MZT2B: variants seen among roughly 807,000 people sequenced by gnomAD.
The protein encoded by MZT2B is mitotic spindle organizing protein 2B.
Under a neutral mutation model 12.1 loss-of-function variants are expected in MZT2B, and 11 were observed. That is an observed-to-expected ratio of 0.91 (90% CI 0.57 to 1.50). The LOEUF (loss-of-function observed/expected upper bound fraction) is 1.50. MZT2B is among the 40% of genes most tolerant of loss of function. The probability of loss-of-function intolerance (pLI) is 0.00; values close to 1 mark genes in which losing one functional copy is unlikely to be tolerated. For missense variants in MZT2B, 209 were observed against 227.7 expected, an observed-to-expected ratio of 0.92 and a Z score of 0.53; for synonymous variants, 85 against 109.5, an observed-to-expected ratio of 0.78 and a Z score of 1.40.
chr2:130,202,572 CA>C, the MZT2B span: 1 of 824,090 alleles, frequency 1.2e-6, no homozygotes, highest in Non-Finnish European at 1.6e-6. Flanking sequence ...AGCAGGACAA[CA>C]GGGCCAAGCC....
Position 130,182,776 on chromosome 2 carries a change from G to A in MZT2B, c.319+1G>A. ...ACGTCGAGCGTGCCCGAGACCCGAG[G>A]TCAGAGCTGGGCCCGCTGTCCCTGC... On this transcript the variant is annotated splice_donor_variant, in intron 2 of 2. Transcript: ENST00000281871. LOFTEE classifies it high-confidence loss of function. 3 of 1,488,708 alleles carry A rather than the reference G, an allele frequency of 2.0e-6. No individual in the cohort carries two copies. The highest frequency in any genetic ancestry group is 1.3e-5 in the South Asian group (1 of 75,700). 92.2% of individuals were successfully genotyped at this position (1,488,708 alleles called of 1,614,324 possible).
At chr2:130,197,048 TAC>T in the MZT2B span, among the ~76,000 whole-genome samples, 1 of 141,830 alleles carries the variant, frequency 7.1e-6, no homozygotes, top group Non-Finnish European at 1.5e-5. Flanking sequence ...CTCTCAAGGC[TAC>T]ACTTTTGGCA....
chr2:130,194,600 A>G, downstream of MZT2B: 1 of 1,200,296 alleles, frequency 8.3e-7, no homozygotes, highest in Non-Finnish European at 1.1e-6. Flanking sequence ...CATGCAATAC[A>G]CTTTGAAGCA....
At chr2:130,184,129 T>G in intron 2 of MZT2B, 1 of 1,510,136 alleles carries the variant, frequency 6.6e-7, no homozygotes, top group Non-Finnish European at 8.8e-7. Flanking sequence ...TGACTCGGTT[T>G]ATTAGAGACA....
Position 130,182,664 on chromosome 2 carries a change from C to G in MZT2B, c.208C>G (p.Leu70Val), listed in dbSNP as rs1332520198. The G allele has an allele frequency of 5.1e-6, 8 of 1,553,518 alleles. No homozygotes were observed. The highest frequency in any genetic ancestry group is 4.6e-4 in the Middle Eastern group (2 of 4,378). ...CCTGCTGAAGCTGAACGTGGCCCCC[C>G]TCGCCGTCTTCCAGATGCTCAAGTC... The part of the protein sequence containing the change: ...VDLLKLNVAP[L>V]AVFQMLKSMC... The change falls in exon 2 of 3, where the codon CTC (leucine) becomes GTC (valine). Residue 70 changes from leucine (L) to valine (V), a missense_variant. Physicochemically the swap from Leu to Val is conservative, Grantham distance 32. Transcript: ENST00000281871.
the MZT2B span, among the ~76,000 whole-genome samples, chr2:130,202,721 G>A: frequency 7.9e-5 from 12 of 152,212 alleles, no homozygotes; most frequent in Non-Finnish European, 1.5e-5. Context: ...GCCATCTCCA[G>A]TTCAACCCCG....
intron 2 of MZT2B, chr2:130,183,930 C>T (rs1385468049): frequency 5.2e-6 from 8 of 1,550,462 alleles, no homozygotes; most frequent in Admixed American, 2.0e-5. Flanking sequence ...CCCGGGTTCC[C>T]TCCGCCTCTC....
rs2104953982 is a variant in MZT2B at position 130,182,467 on chromosome 2, TG to T, written c.170+20del. ...GACGTGTTCAAGTGAGCGGGGCGGG[TG>T]GGGGCCGCATGCTAGCCAGACACCC... On this transcript the variant is annotated intron_variant, in intron 1 of 2. Transcript: ENST00000281871. 1 of 1,542,546 alleles carries T rather than the reference TG, an allele frequency of 6.5e-7. No homozygotes were observed.
chr2:130,188,275 T>G (rs924142205), intron 2 of MZT2B: 3 of 165,486 alleles, frequency 1.8e-5, no homozygotes, highest in African/African-American at 7.2e-5. Context: ...GCACCCAGAT[T>G]AGGCTGCGGC....
At chr2:130,188,887 C>G (rs1302673590) in intron 2 of MZT2B, among the ~76,000 whole-genome samples, 1 of 152,010 alleles carries the variant, frequency 6.6e-6, no homozygotes, top group African/African-American at 2.4e-5. Flanking sequence ...TAATGGATCT[C>G]TAGACACCCG....
intron 2 of MZT2B, among the ~76,000 whole-genome samples, chr2:130,187,767 C>G (rs1690115385): frequency 1.3e-5 from 2 of 152,168 alleles, no homozygotes; most frequent in Non-Finnish European, 2.9e-5. Context: ...ACAGGGCTCC[C>G]CACTAACCCT....
chr2:130,181,698 C>T (rs1689660284), upstream of MZT2B: 2 of 1,548,200 alleles, frequency 1.3e-6, no homozygotes, highest in Admixed American at 2.0e-5. Flanking sequence ...AAAGCGAAGG[C>T]CGGCCGGGCG....
the MZT2B span, chr2:130,202,214 C>A: frequency 1.0e-6 from 1 of 968,026 alleles, no homozygotes; most frequent in Non-Finnish European, 1.4e-6. Flanking sequence ...CTAAAAAAAA[C>A]AGTCCTGTGA....
the MZT2B span, among the ~76,000 whole-genome samples, chr2:130,201,980 G>A: frequency 2.0e-4 from 30 of 152,222 alleles, no homozygotes; most frequent in South Asian, 1.0e-3. Context: ...TATATGCTAC[G>A]TGACTGCAAT....
At chr2:130,196,277 T>C in the MZT2B span, 2 of 1,613,932 alleles carry the variant, frequency 1.2e-6, no homozygotes, top group Non-Finnish European at 1.7e-6. Flanking sequence ...CATTTGACCA[T>C]CGGGCTGAAT....
chr2:130,187,137 G>A (rs149605425), intron 2 of MZT2B, among the ~76,000 whole-genome samples: 6 of 130,034 alleles, frequency 4.6e-5, no homozygotes, highest in Non-Finnish European at 8.4e-5. Flanking sequence ...GAAATAATAC[G>A]TTGGATATTT....
At chr2:130,184,540 C>T in intron 2 of MZT2B, 1 of 985,300 alleles carries the variant, frequency 1.0e-6, no homozygotes, top group Non-Finnish European at 1.2e-6. Context: ...CCTGTGAGAG[C>T]CCAGGGGTCT....
rs537171226 is a variant in MZT2B at position 130,185,559 on chromosome 2, CAG to C, written c.319+2785_319+2786del. On this transcript the variant is annotated intron_variant, in intron 2 of 2. Coordinates refer to ENST00000281871, the MANE Select transcript of MZT2B (RefSeq NM_025029.5). ...AGCCCAGAGAGCAGCAAGGGTTACA[CAG>C]GGGGGTAACAAGGGTTACAGCAGGA... Among the ~76,000 whole-genome samples the C allele has an allele frequency of 1.4e-3, 165 of 114,392 alleles. 27 individuals are homozygous for C. Among genetic ancestry groups the C allele is most frequent in the African/African-American group, 4.0e-3 (125 of 31,184 alleles). 75.0% of individuals were successfully genotyped at this position (114,392 alleles called of 152,430 possible). A position where few individuals can be genotyped will look rare whatever the true frequency, so the allele number is the denominator to read the frequency against.
chr2:130,187,187 C>CTTTT lies in MZT2B; in HGVS notation c.320-3280_320-3277dup, dbSNP rs1321713694. On this transcript the variant is annotated intron_variant, in intron 2 of 2. Coordinates refer to ENST00000281871, the MANE Select transcript of MZT2B (RefSeq NM_025029.5). ...TGAGCTAATTCTGCATTTTCTTTTACTTTTTATTTATTTATTTATTTTTGA... is the reference window on the plus strand; with the variant it reads ...TGAGCTAATTCTGCATTTTCTTTTACTTTTTTTTTATTTATTTATTTATTTTTGA... Among the ~76,000 whole-genome samples, 15 of 151,636 alleles carry CTTTT rather than the reference C, an allele frequency of 9.9e-5. No homozygotes were observed. The East Asian group carries it at 2.7e-3, about 27-fold the overall frequency.
Sources: allele counts gnomAD v4.1 joint callset (sites outside exome capture counted in the v4.1 genomes callset), GRCh38; gene constraint gnomAD v4.1.1; transcripts MANE v1.5; gene names NCBI Gene and HGNC (gene_info 2026-07-23, HGNC 2026-07-21).